SGPP1: variants seen among roughly 807,000 people sequenced by gnomAD.
SGPP1 encodes hSPP1.
In SGPP1, 21 loss-of-function variants were observed where a neutral mutation model predicts 33.0. That is an observed-to-expected ratio of 0.64 (90% confidence interval 0.45 to 0.92). SGPP1 has a LOEUF of 0.92. Ranked by LOEUF, SGPP1 falls within the 40% of genes least tolerant of loss-of-function variation. The probability of loss-of-function intolerance (pLI) is 0.00; values close to 1 mark genes in which losing one functional copy is unlikely to be tolerated. For missense variants in SGPP1, 543 were observed against 589.4 expected (o/e 0.92, Z 0.81); for synonymous variants, 239 against 241.2 (o/e 0.99, Z 0.08).
intron 2 of SGPP1, among the ~76,000 whole-genome samples, chr14:63,692,801 C>T (rs990610915): frequency 6.6e-6 from 1 of 152,132 alleles, no homozygotes; most frequent in Non-Finnish European, 1.5e-5. Flanking sequence ...CTCACTGATA[C>T]ATACTAAAAA....
At chr14:63,718,796 G>A (rs1182737734) in intron 1 of SGPP1, among the ~76,000 whole-genome samples, 3 of 148,956 alleles carry the variant, frequency 2.0e-5, no homozygotes, top group South Asian at 2.1e-4. Context: ...TAATCTAAGT[G>A]AAAAAAAATA....
At chr14:63,686,969 C>T (rs972782985) in intron 2 of SGPP1, among the ~76,000 whole-genome samples, 1 of 152,088 alleles carries the variant, frequency 6.6e-6, no homozygotes, top group Admixed American at 6.5e-5. Context: ...GGGAAAAGTA[C>T]ACTTATTATT....
intron 1 of SGPP1, 63 bp downstream of exon 1, chr14:63,727,198 A>G: frequency 6.6e-7 from 1 of 1,511,784 alleles, no homozygotes; most frequent in South Asian, 1.3e-5. Flanking sequence ...AAATGCAGAG[A>G]GCAAAGAGAA....
At chr14:63,701,918 C>CA (rs549492142) in intron 1 of SGPP1, among the ~76,000 whole-genome samples, 7,590 of 53,668 alleles carry the variant, frequency 0.14, 509 homozygotes, top group African/African-American at 0.24. Context: ...CTGTTGACAG[C>CA]AAAAAAAAAA....
chr14:63,725,191 A>T (rs1200349928), intron 1 of SGPP1, among the ~76,000 whole-genome samples: 1 of 152,176 alleles, frequency 6.6e-6, no homozygotes, highest in Admixed American at 6.5e-5. Flanking sequence ...TGGCCAAAAC[A>T]GTGAAACCAC....
intron 1 of SGPP1, among the ~76,000 whole-genome samples, chr14:63,720,018 C>T (rs1205077068): frequency 1.3e-5 from 2 of 150,226 alleles, no homozygotes; most frequent in African/African-American, 2.4e-5. Context: ...CCCAGCTACT[C>T]GGGAGGCTGG....
intron 1 of SGPP1, among the ~76,000 whole-genome samples, chr14:63,706,573 A>G (rs1486412624): frequency 6.6e-6 from 1 of 152,316 alleles, no homozygotes; most frequent in South Asian, 2.1e-4. Flanking sequence ...CATAGTGCGC[A>G]GTCAATTAAT....
At chr14:63,727,078 C>G (rs1288486301) in intron 1 of SGPP1, among the ~76,000 whole-genome samples, 183 bp downstream of exon 1, 1 of 152,124 alleles carries the variant, frequency 6.6e-6, no homozygotes, top group East Asian at 1.9e-4. Flanking sequence ...GGCTAAGTAT[C>G]CAGTTTCCCC....
At chr14:63,706,962 G>T (rs1423625247) in intron 1 of SGPP1, among the ~76,000 whole-genome samples, 1 of 143,924 alleles carries the variant, frequency 6.9e-6, no homozygotes, top group Non-Finnish European at 1.5e-5. Context: ...AGAATCACTT[G>T]AACATGGAGG....
At chr14:63,696,448 C>T (rs181538137) in intron 2 of SGPP1, among the ~76,000 whole-genome samples, 62 of 152,222 alleles carry the variant, frequency 4.1e-4, no homozygotes, top group African/African-American at 1.4e-3. Context: ...GATGCATAAC[C>T]ATTTGGTAGT....
chr14:63,725,410 G>A (rs553086182), intron 1 of SGPP1, among the ~76,000 whole-genome samples: 1 of 152,284 alleles, frequency 6.6e-6, no homozygotes, highest in East Asian at 1.9e-4. Context: ...GAAAAATCAT[G>A]CAAATTTAGA....
intron 1 of SGPP1, among the ~76,000 whole-genome samples, chr14:63,710,944 A>G (rs972622993): frequency 1.3e-5 from 2 of 152,136 alleles, no homozygotes; most frequent in South Asian, 4.1e-4. Flanking sequence ...TATAATAATC[A>G]TAACCCTACA....
chr14:63,697,561 G>A (rs1482632198), intron 2 of SGPP1, among the ~76,000 whole-genome samples: 1 of 152,162 alleles, frequency 6.6e-6, no homozygotes, highest in Non-Finnish European at 1.5e-5. Flanking sequence ...ACACACAGTT[G>A]CTGTTCTCAA....
intron 1 of SGPP1, among the ~76,000 whole-genome samples, chr14:63,722,503 C>T (rs1885792434): frequency 6.6e-6 from 1 of 151,122 alleles, no homozygotes; most frequent in African/African-American, 2.4e-5. Flanking sequence ...TGCACTCCAG[C>T]CTGGGCAACA....
Position 63,723,558 on chromosome 14 carries a change from A to G in SGPP1, c.684+3703T>C, listed in dbSNP as rs530012401. The stretch of plus-strand genomic sequence containing the variant: ...ACATGGTGAAACCCCGTCTCTACTA[A>G]AAATACAAACATTAGCCGGGGGTGG... On this transcript the variant is annotated intron_variant, in intron 1 of 2. Coordinates refer to ENST00000247225, the MANE Select transcript of SGPP1 (RefSeq NM_030791.4). 3.6e-3 allele frequency among the ~76,000 whole-genome samples: 541 copies of G among 152,170 alleles called. 2 individuals carry two copies. Among genetic ancestry groups the G allele is most frequent in the Non-Finnish European group, 5.4e-3 (365 of 68,008 alleles).
intron 1 of SGPP1, among the ~76,000 whole-genome samples, chr14:63,714,306 G>T (rs1885578200): frequency 6.6e-6 from 1 of 152,214 alleles, no homozygotes; most frequent in South Asian, 2.1e-4. Context: ...TCATCAAAAG[G>T]CTCAGATTGT....
At position 63,700,269 on chromosome 14, in the gene SGPP1, G is replaced by T. The variant is rs904948850; in HGVS notation, c.685-1611C>A. Among the ~76,000 whole-genome samples the T allele has an allele frequency of 2.0e-5, 3 of 152,006 alleles. No homozygotes were observed. The South Asian group carries it at 6.2e-4, about 32-fold the overall frequency. On this transcript the variant is annotated intron_variant, in intron 1 of 2. Transcript: ENST00000247225. ...GACCTACCCATTTCCCCGGGTTTAA[G>T]AACCATATATCCAACTCTGCACATA...
chr14:63,719,976 A>AG (rs1274011234), intron 1 of SGPP1, among the ~76,000 whole-genome samples: 1 of 151,182 alleles, frequency 6.6e-6, no homozygotes. Flanking sequence ...AAAAAAAAAA[A>AG]TTAGCTGGAC....
intron 1 of SGPP1, among the ~76,000 whole-genome samples, chr14:63,721,137 C>T (rs1885762840): frequency 6.6e-6 from 1 of 152,204 alleles, no homozygotes; most frequent in South Asian, 2.1e-4. Context: ...TTCGTCTCGG[C>T]CTTCAAAAGT....
Sources: gnomAD v4.1 joint callset for allele counts (sites outside exome capture counted in the v4.1 genomes callset) on GRCh38, gnomAD v4.1.1 for gene constraint, MANE v1.5 for transcripts, NCBI Gene and HGNC (gene_info 2026-07-23, HGNC 2026-07-21) for gene names.